Variants in AFTPH observed in about 807,000 individuals in gnomAD.
AFTPH encodes the protein aftiphilin protein.
Under a neutral mutation model 72.5 loss-of-function variants are expected in AFTPH, and 7 were observed. The ratio of observed to expected loss-of-function variants is 0.10; its 90% CI spans 0.05 to 0.18. AFTPH has a LOEUF of 0.18. Ranked by LOEUF, AFTPH falls within the 10% of genes least tolerant of loss-of-function variation. The probability of loss-of-function intolerance (pLI) is 1.00; values close to 1 mark genes in which losing one functional copy is unlikely to be tolerated. For synonymous variants in AFTPH, 337 were observed against 370.1 expected, an observed-to-expected ratio of 0.91 and a Z score of 1.03; for missense variants, 979 against 1,060.5, an observed-to-expected ratio of 0.92 and a Z score of 1.07.
chr2:64,570,071 C>T (rs17029102), intron 5 of AFTPH, among the ~76,000 whole-genome samples: 1,650 of 152,174 alleles, frequency 0.011, 51 homozygotes, highest in East Asian at 0.064. Context: ...TATAGATGTA[C>T]ATAAAAGCTT....
chr2:64,530,705 C>T (rs964698901), intron 1 of AFTPH, among the ~76,000 whole-genome samples: 8 of 152,166 alleles, frequency 5.3e-5, no homozygotes, highest in Admixed American at 4.6e-4. Flanking sequence ...AATCATATTG[C>T]GTTGATCTTT....
At chr2:64,543,861 T>G (rs1256813282) in intron 1 of AFTPH, among the ~76,000 whole-genome samples, 2 of 152,240 alleles carry the variant, frequency 1.3e-5, no homozygotes, top group Non-Finnish European at 2.9e-5. Context: ...TCATCTCTTC[T>G]TTTCCATGAC....
chr2:64,579,941 CAATT>C (rs149120509), intron 7 of AFTPH: 2,650 of 163,668 alleles, frequency 0.016, 80 homozygotes, highest in African/African-American at 0.06. Context: ...GCACAAAGCA[CAATT>C]ATTTAGCCAA....
intron 8 of AFTPH, among the ~76,000 whole-genome samples, chr2:64,589,950 G>T (rs879288962): frequency 0.012 from 416 of 35,678 alleles, 2 homozygotes; most frequent in Non-Finnish European, 0.018. Context: ...TATATGGGGG[G>T]GGGGGGGGGG....
chr2:64,542,728 A>G (rs1044551372), intron 1 of AFTPH, among the ~76,000 whole-genome samples: 1 of 151,982 alleles, frequency 6.6e-6, no homozygotes, highest in Non-Finnish European at 1.5e-5. Context: ...AACTTCATGT[A>G]TCTTTAGTGT....
At chr2:64,569,575 A>C in intron 4 of AFTPH, 48 bp from the exon 5 acceptor site, 1 of 1,570,726 alleles carries the variant, frequency 6.4e-7, no homozygotes, top group Middle Eastern at 1.7e-4. Flanking sequence ...TCATTGTATG[A>C]TAGATTATTC....
intron 1 of AFTPH, 40 bp downstream of exon 1, chr2:64,524,652 A>G: frequency 5.0e-6 from 2 of 396,144 alleles, no homozygotes; most frequent in Non-Finnish European, 8.9e-6. Context: ...GCGCCGGGGA[A>G]AGAGGGTGCG....
exon 2 of AFTPH, chr2:64,552,510 G>A (rs1671111258): frequency 1.2e-6 from 2 of 1,614,112 alleles, no homozygotes; most frequent in East Asian, 4.5e-5. Context: ...TAATTCAGAA[G>A]CCATTAGGAG....
exon 2 of AFTPH, chr2:64,552,430 C>T (rs1671105927): frequency 3.7e-6 from 6 of 1,614,094 alleles, no homozygotes; most frequent in Non-Finnish European, 5.1e-6. Flanking sequence ...GGCCTTCCAA[C>T]ACTGCAACAG....
intron 1 of AFTPH, among the ~76,000 whole-genome samples, chr2:64,529,360 C>T (rs1318735450): frequency 7.0e-6 from 1 of 142,938 alleles, no homozygotes; most frequent in African/African-American, 2.6e-5. Flanking sequence ...CAAGTGTGAT[C>T]TTTTTCTTAG....
chr2:64,581,096 C>A, intron 7 of AFTPH, 94 bp from the exon 8 acceptor site: 2 of 730,254 alleles, frequency 2.7e-6, no homozygotes, highest in Non-Finnish European at 2.3e-6. Flanking sequence ...CCTGCATGTT[C>A]AAGTGTGTGT....
chr2:64,533,759 T>C (rs1426146602), intron 1 of AFTPH, among the ~76,000 whole-genome samples: 1 of 152,144 alleles, frequency 6.6e-6, no homozygotes, highest in Non-Finnish European at 1.5e-5. Flanking sequence ...ACCATTTACA[T>C]GAGCAGAAAA....
Position 64,579,713 on chromosome 2 carries a change from G to A in AFTPH, c.2455+167G>A, listed in dbSNP as rs78923804. 1,399 of 562,158 alleles carry A rather than the reference G, an allele frequency of 2.5e-3. 13 individuals carry two copies. The highest frequency in any genetic ancestry group is 0.024 in the African/African-American group (1,262 of 53,284). 34.8% of individuals were successfully genotyped at this position (562,158 alleles called of 1,614,324 possible). A position where few individuals can be genotyped will look rare whatever the true frequency, so the allele number is the denominator to read the frequency against. On this transcript the variant is annotated intron_variant, in intron 7 of 8. Coordinates refer to ENST00000238856, the Ensembl canonical transcript of AFTPH. ...ACAGTAATTGCTCAAGAAACCAGCC[G>A]TTACTATTATCAACAGTATTAATGT...
chr2:64,553,370 T>A (rs201878139), exon 2 of AFTPH: 149 of 1,602,070 alleles, frequency 9.3e-5, no homozygotes, highest in Non-Finnish European at 1.2e-4. Context: ...AAGGAGCAGT[T>A]GCTAGTGGCC....
At chr2:64,550,691 A>G (rs1366056753) in intron 1 of AFTPH, among the ~76,000 whole-genome samples, 760 of 63,830 alleles carry the variant, frequency 0.012, 6 homozygotes, top group African/African-American at 0.037. Flanking sequence ...ACACACACAC[A>G]CACACACACA....
At chr2:64,546,754 G>C (rs1487369810) in intron 1 of AFTPH, among the ~76,000 whole-genome samples, 2 of 152,014 alleles carry the variant, frequency 1.3e-5, no homozygotes, top group Non-Finnish European at 1.5e-5. Context: ...CCATCACAAG[G>C]CTGGGCATGG....
intron 1 of AFTPH, among the ~76,000 whole-genome samples, chr2:64,537,054 T>C (rs947792485): frequency 2.0e-5 from 3 of 151,908 alleles, no homozygotes; most frequent in African/African-American, 7.3e-5. Flanking sequence ...ATTAGTAATA[T>C]AGCTTTCTCT....
chr2:64,529,317 T>TTG (rs1669462989), intron 1 of AFTPH, among the ~76,000 whole-genome samples: 1 of 151,430 alleles, frequency 6.6e-6, no homozygotes, highest in African/African-American at 2.4e-5. Context: ...TTTTTGAAGT[T>TTG]TTTTTTTTTT....
chr2:64,584,341 G>T (rs1673375862), intron 7 of AFTPH, among the ~76,000 whole-genome samples: 1 of 151,974 alleles, frequency 6.6e-6, no homozygotes, highest in South Asian at 2.1e-4. Flanking sequence ...AGATGGGGGA[G>T]ATTTTTTAAA....
Sources: allele counts gnomAD v4.1 joint callset (sites outside exome capture counted in the v4.1 genomes callset), GRCh38; gene constraint gnomAD v4.1.1; transcripts MANE v1.5; gene names NCBI Gene and HGNC (gene_info 2026-07-23, HGNC 2026-07-21).